RPN2: variants seen among roughly 807,000 people sequenced by gnomAD.
RPN2 encodes ribophorin II, also known as dolichyl-diphosphooligosaccharide--protein glycosyltransferase subunit 2.
A neutral mutation model predicts 71.4 loss-of-function variants in RPN2; 29 were observed. The ratio of observed to expected loss-of-function variants is 0.41; its 90% CI spans 0.30 to 0.55. RPN2 has a LOEUF of 0.55. RPN2 is among the 20% of genes least tolerant of loss of function. RPN2 has a pLI of 0.35. For missense variants in RPN2, 726 were observed against 774.1 expected, an observed-to-expected ratio of 0.94 and a Z score of 0.74; for synonymous variants, 308 against 305.0, an observed-to-expected ratio of 1.01 and a Z score of -0.10.
chr20:37,237,350 T>C (rs184992790), intron 16 of RPN2, among the ~76,000 whole-genome samples: 1 of 152,300 alleles, frequency 6.6e-6, no homozygotes, highest in East Asian at 1.9e-4. Context: ...GTGTTTCTCA[T>C]TGATTTGACT....
At chr20:37,197,642 T>G (rs928404565) in intron 2 of RPN2, among the ~76,000 whole-genome samples, 1 of 152,220 alleles carries the variant, frequency 6.6e-6, no homozygotes, top group Non-Finnish European at 1.5e-5. Context: ...GGTCTCGCTC[T>G]GTCTCCCAGA....
At chr20:37,218,557 C>A (rs6104113) in intron 9 of RPN2, among the ~76,000 whole-genome samples, 2,493 of 138,672 alleles carry the variant, frequency 0.018, 64 homozygotes, top group African/African-American at 0.062. Context: ...AAAAAAAAAA[C>A]AAAAAAAACA....
rs193252044 is a variant in RPN2, at chr20:37,217,827, G to A, written c.1092+3962G>A. 2.0e-3 allele frequency among the ~76,000 whole-genome samples: 297 copies of A among 151,340 alleles called. 1 individual carries two copies. The highest frequency in any genetic ancestry group is 6.3e-3 in the African/African-American group (261 of 41,192). Reference sequence around the variant, plus strand: ...ACTGCAACCTCCGCCTCCACCTCCCGGGTTCAAGTGATTCTCCTGCCTCAG... The same window carrying A: ...ACTGCAACCTCCGCCTCCACCTCCCAGGTTCAAGTGATTCTCCTGCCTCAG... On this transcript the variant is annotated intron_variant, in intron 9 of 16. Transcript: ENST00000237530.
At chr20:37,211,921 A>G (rs998733563) in intron 8 of RPN2, among the ~76,000 whole-genome samples, 1 of 151,824 alleles carries the variant, frequency 6.6e-6, no homozygotes, top group East Asian at 1.9e-4. Flanking sequence ...TATTTTCGGT[A>G]GAGATGGGGT....
At chr20:37,200,057 C>T (rs1021864452) in intron 4 of RPN2, among the ~76,000 whole-genome samples, 5 of 151,758 alleles carry the variant, frequency 3.3e-5, no homozygotes, top group Non-Finnish European at 5.9e-5. Flanking sequence ...TGCAGTGACG[C>T]GATCTCAGTT....
At chr20:37,225,585 T>C in intron 10 of RPN2, 103 bp from the exon 11 acceptor site, 1 of 781,316 alleles carries the variant, frequency 1.3e-6, no homozygotes, top group Non-Finnish European at 2.3e-6. Context: ...AGTGTTACTA[T>C]GGGAGAGGGT....
At chr20:37,182,429 C>T (rs1217411163) in intron 1 of RPN2, among the ~76,000 whole-genome samples, 2 of 152,168 alleles carry the variant, frequency 1.3e-5, no homozygotes, top group Non-Finnish European at 2.9e-5. Flanking sequence ...CTCTCTTTCT[C>T]ACCCAGGGTG....
chr20:37,235,496 C>G (rs1296936966), intron 15 of RPN2, among the ~76,000 whole-genome samples: 1 of 152,150 alleles, frequency 6.6e-6, no homozygotes, highest in Non-Finnish European at 1.5e-5. Flanking sequence ...CCCCAGGGCT[C>G]TCCGTTCCCA....
intron 16 of RPN2, among the ~76,000 whole-genome samples, chr20:37,237,335 C>T (rs1412125634): frequency 1.3e-5 from 2 of 152,184 alleles, no homozygotes; most frequent in Admixed American, 6.5e-5. Flanking sequence ...TTAAATGTCA[C>T]AAAGGTGTTT....
intron 2 of RPN2, among the ~76,000 whole-genome samples, chr20:37,186,821 A>G (rs1224841946): frequency 6.6e-6 from 1 of 152,222 alleles, no homozygotes; most frequent in Non-Finnish European, 1.5e-5. Context: ...TTGTGGAATA[A>G]GTCAGGTCAT....
At chr20:37,202,289 C>T (rs2067409442) in intron 4 of RPN2, among the ~76,000 whole-genome samples, 1 of 152,102 alleles carries the variant, frequency 6.6e-6, no homozygotes, top group African/African-American at 2.4e-5. Context: ...AGCAAGCATC[C>T]CATAGGTGTC....
At chr20:37,185,589 G>A (rs1482940463) in intron 2 of RPN2, among the ~76,000 whole-genome samples, 1 of 152,024 alleles carries the variant, frequency 6.6e-6, no homozygotes, top group Non-Finnish European at 1.5e-5. Context: ...AAACACCACC[G>A]ACTTATTGGC....
In RPN2 at chr20:37,189,819, C is replaced by T. The variant is rs566673550; in HGVS notation, c.207+5446C>T. ...CCTCAAAGGAAATGGTAGCTATTAT[C>T]GTTCTTACATTGAAAAGGTTTGCTT... On this transcript the variant is annotated intron_variant, in intron 2 of 16. Coordinates refer to ENST00000237530, the MANE Select transcript of RPN2 (RefSeq NM_002951.5). Among the ~76,000 whole-genome samples the T allele has an allele frequency of 2.0e-5, 3 of 152,272 alleles. 1 individual carries two copies. The highest frequency in any genetic ancestry group is 7.2e-5 in the African/African-American group (3 of 41,560).
chr20:37,200,498 G>A (rs766108919), intron 4 of RPN2: 1 of 532,794 alleles, frequency 1.9e-6, no homozygotes, highest in Non-Finnish European at 3.9e-6. Flanking sequence ...GCAAGAGGTT[G>A]GTGATACCAA....
intron 1 of RPN2, among the ~76,000 whole-genome samples, chr20:37,180,461 C>G (rs917776350): frequency 6.6e-6 from 1 of 152,152 alleles, no homozygotes; most frequent in Non-Finnish European, 1.5e-5. Flanking sequence ...ATATTAAGTG[C>G]TCAACTTTTA....
chr20:37,193,189 CACTCT>C (rs1458898111), intron 2 of RPN2, among the ~76,000 whole-genome samples: 1 of 152,184 alleles, frequency 6.6e-6, no homozygotes, highest in Non-Finnish European at 1.5e-5. Context: ...ACCCTAATCT[CACTCT>C]ACTCCTTAAG....
At chr20:37,222,325 GA>G (rs1469617505) in intron 9 of RPN2, among the ~76,000 whole-genome samples, 1 of 152,068 alleles carries the variant, frequency 6.6e-6, no homozygotes, top group Non-Finnish European at 1.5e-5. Flanking sequence ...GTTCTGCTAT[GA>G]ATTCATAGGT....
intron 5 of RPN2, 70 bp from the exon 6 acceptor site, chr20:37,204,697 T>G: frequency 6.5e-7 from 1 of 1,544,520 alleles, no homozygotes; most frequent in Non-Finnish European, 9.0e-7. Context: ...GCAGTGGGGT[T>G]GACAGTGGTT....
intron 2 of RPN2, among the ~76,000 whole-genome samples, chr20:37,184,720 A>G (rs2066968159): frequency 6.6e-6 from 1 of 152,184 alleles, no homozygotes; most frequent in African/African-American, 2.4e-5. Context: ...TGAACCCAGG[A>G]GGCAGAGGTT....
Sources: allele counts gnomAD v4.1 joint callset (sites outside exome capture counted in the v4.1 genomes callset), GRCh38; gene constraint gnomAD v4.1.1; transcripts MANE v1.5; gene names NCBI Gene and HGNC (gene_info 2026-07-23, HGNC 2026-07-21).